LRMDA: variants seen among roughly 807,000 people sequenced by gnomAD.
LRMDA encodes the protein leucine-rich melanocyte differentiation-associated protein.
A neutral mutation model predicts 29.8 loss-of-function variants in LRMDA; 18 were observed. The ratio of observed to expected loss-of-function variants is 0.60; its 90% CI spans 0.42 to 0.90. The LOEUF (loss-of-function observed/expected upper bound fraction) is 0.90, where lower values mean the gene tolerates loss of function less well. Among genes scored for constraint, LRMDA ranks in the 40% least tolerant of loss-of-function variants. The pLI is 0.00. For synonymous variants in LRMDA, 125 were observed against 109.4 expected, an observed-to-expected ratio of 1.14 and a Z score of -0.89; for missense variants, 273 against 273.9, an observed-to-expected ratio of 1.00 and a Z score of 0.02.
At chr10:75,536,991 C>T (rs1481988367) in intron 2 of LRMDA, among the ~76,000 whole-genome samples, 1 of 152,152 alleles carries the variant, frequency 6.6e-6, no homozygotes, top group Non-Finnish European at 1.5e-5. Context: ...AGGTATCCTA[C>T]TGGTGGTTGG....
In LRMDA at chr10:76,372,098, T is replaced by C. The variant is rs189318378; in HGVS notation, c.601+47613T>C. Reference sequence around the variant, plus strand: ...GAATCTGTTTTGTTTAGCCACCTAGTGAGCAGCTTTAGCCATAGTCTTTCT... The same window carrying C: ...GAATCTGTTTTGTTTAGCCACCTAGCGAGCAGCTTTAGCCATAGTCTTTCT... On this transcript the variant is annotated intron_variant, in intron 6 of 6. Transcript: ENST00000611255. Among the ~76,000 whole-genome samples the C allele has an allele frequency of 3.9e-5, 6 of 152,302 alleles. No individual in the cohort carries two copies. In the East Asian group the frequency reaches 1.2e-3, roughly 29 times the overall value.
chr10:75,950,789 A>G (rs1218998397), intron 2 of LRMDA, among the ~76,000 whole-genome samples: 1 of 152,220 alleles, frequency 6.6e-6, no homozygotes, highest in Non-Finnish European at 1.5e-5. Context: ...ATCACTCAGG[A>G]ACCTTTAATG....
At chr10:75,914,327 T>C (rs1482250032) in intron 2 of LRMDA, among the ~76,000 whole-genome samples, 1 of 152,234 alleles carries the variant, frequency 6.6e-6, no homozygotes, top group Non-Finnish European at 1.5e-5. Flanking sequence ...TTCGTGTTAC[T>C]TTACTCCAAA....
chr10:76,182,689 A>G (rs1851071938), intron 5 of LRMDA, among the ~76,000 whole-genome samples: 2 of 152,194 alleles, frequency 1.3e-5, no homozygotes, highest in Non-Finnish European at 2.9e-5. Flanking sequence ...CTGACACAAG[A>G]AAAGGGACAA....
At chr10:76,039,367 T>A (rs1420227255) in intron 3 of LRMDA, among the ~76,000 whole-genome samples, 1 of 152,244 alleles carries the variant, frequency 6.6e-6, no homozygotes, top group Admixed American at 6.5e-5. Flanking sequence ...ATTGAATCTT[T>A]AAACAAGTTA....
At chr10:76,421,775 T>A (rs1182935089) in intron 6 of LRMDA, among the ~76,000 whole-genome samples, 1 of 152,246 alleles carries the variant, frequency 6.6e-6, no homozygotes, top group Non-Finnish European at 1.5e-5. Context: ...CCATTTCTTT[T>A]GTAGCTTGTT....
At chr10:75,852,091 G>C (rs1177897859) in intron 2 of LRMDA, among the ~76,000 whole-genome samples, 1 of 152,152 alleles carries the variant, frequency 6.6e-6, no homozygotes, top group African/African-American at 2.4e-5. Flanking sequence ...AGGTGGGCTG[G>C]CATTTTTGGA....
intron 6 of LRMDA, among the ~76,000 whole-genome samples, chr10:76,552,160 A>G (rs965653943): frequency 2.0e-5 from 3 of 152,224 alleles, no homozygotes; most frequent in African/African-American, 4.8e-5. Flanking sequence ...CTGCACTCCA[A>G]TGTCAAATGC....
chr10:75,947,838 C>G (rs960801265), intron 2 of LRMDA, among the ~76,000 whole-genome samples: 1 of 152,136 alleles, frequency 6.6e-6, no homozygotes, highest in Non-Finnish European at 1.5e-5. Context: ...TCATAGATCT[C>G]TCCCCTTTCT....
At chr10:76,388,038 C>T (rs530576244) in intron 6 of LRMDA, among the ~76,000 whole-genome samples, 10 of 152,086 alleles carry the variant, frequency 6.6e-5, no homozygotes, top group East Asian at 3.9e-4. Context: ...ATTCTTTGAA[C>T]GAAAAATGTA....
At chr10:75,962,898 G>A (rs1846793495) in intron 2 of LRMDA, among the ~76,000 whole-genome samples, 1 of 152,154 alleles carries the variant, frequency 6.6e-6, no homozygotes, top group Admixed American at 6.5e-5. Flanking sequence ...CCAGCGAGAT[G>A]GCTTGGCCCA....
intron 2 of LRMDA, among the ~76,000 whole-genome samples, chr10:75,897,163 A>G (rs1475876286): frequency 1.3e-5 from 2 of 152,152 alleles, no homozygotes; most frequent in Non-Finnish European, 2.9e-5. Context: ...ATATCTATCT[A>G]TGTGTTTGGG....
At chr10:76,185,850 C>T (rs1184089296) in intron 5 of LRMDA, among the ~76,000 whole-genome samples, 1 of 152,086 alleles carries the variant, frequency 6.6e-6, no homozygotes, top group Non-Finnish European at 1.5e-5. Flanking sequence ...TGTTCGACTG[C>T]CAGAAACTCG....
intron 6 of LRMDA, among the ~76,000 whole-genome samples, chr10:76,420,515 T>C (rs1268697502): frequency 6.6e-6 from 1 of 152,066 alleles, no homozygotes; most frequent in Non-Finnish European, 1.5e-5. Flanking sequence ...GCTGTTTTAA[T>C]GTACATTTAT....
intron 5 of LRMDA, among the ~76,000 whole-genome samples, chr10:76,303,260 G>C (rs1388928647): frequency 6.8e-6 from 1 of 146,210 alleles, no homozygotes; most frequent in African/African-American, 2.6e-5. Context: ...TTTTTGATGA[G>C]TCTTGGGGAG....
chr10:76,395,992 T>C (rs1054130937), intron 6 of LRMDA, among the ~76,000 whole-genome samples: 17 of 152,218 alleles, frequency 1.1e-4, no homozygotes, highest in African/African-American at 3.4e-4. Flanking sequence ...AAAAAGTTCC[T>C]TGTGAAAAGA....
chr10:75,997,823 A>G (rs998149688), intron 2 of LRMDA, among the ~76,000 whole-genome samples: 3 of 152,144 alleles, frequency 2.0e-5, no homozygotes, highest in Non-Finnish European at 2.9e-5. Context: ...TGTGATACTG[A>G]TGGAGATTAA....
chr10:76,163,183 A>G (rs954475016), intron 5 of LRMDA, among the ~76,000 whole-genome samples: 5 of 152,114 alleles, frequency 3.3e-5, no homozygotes, highest in African/African-American at 1.2e-4. Context: ...TCTCTGTGTG[A>G]CCCACTTGGG....
At chr10:75,457,872 C>T (rs181742673) in intron 2 of LRMDA, among the ~76,000 whole-genome samples, 2 of 150,424 alleles carry the variant, frequency 1.3e-5, no homozygotes, top group Admixed American at 1.3e-4. Context: ...AACTCTAATG[C>T]ATTACTGCCA....
Sources: gnomAD v4.1 joint callset for allele counts (sites outside exome capture counted in the v4.1 genomes callset) on GRCh38, gnomAD v4.1.1 for gene constraint, MANE v1.5 for transcripts, NCBI Gene and HGNC (gene_info 2026-07-23, HGNC 2026-07-21) for gene names.